The following CHCHD10 variants were observed in gnomAD, a reference collection of about 807,000 sequenced individuals.
CHCHD10 encodes the protein coiled-coil-helix-coiled-coil-helix domain-containing protein 10, mitochondrial.
Under a neutral mutation model 14.8 loss-of-function variants are expected in CHCHD10, and 10 were observed. That is an observed-to-expected ratio of 0.67 (90% CI 0.42 to 1.14). The LOEUF (loss-of-function observed/expected upper bound fraction) is 1.14, where lower values mean the gene tolerates loss of function less well. Ranked by LOEUF, CHCHD10 falls within the 50% of genes most tolerant of loss-of-function variation. The probability of loss-of-function intolerance (pLI) is 0.00; values close to 1 mark genes in which losing one functional copy is unlikely to be tolerated. For synonymous variants in CHCHD10, 90 were observed against 85.2 expected, an observed-to-expected ratio of 1.06 and a Z score of -0.31; for missense variants, 203 against 196.9, an observed-to-expected ratio of 1.03 and a Z score of -0.19.
In CHCHD10 at chr22:23,766,252, C is replaced by T. The variant is rs1260002337; in HGVS notation, c.285G>A (p.Gln95=). 38 of 1,134,786 alleles carry T rather than the reference C, an allele frequency of 3.3e-5. No homozygotes were observed. Among genetic ancestry groups the T allele is most frequent in the East Asian group, 1.6e-4 (5 of 30,668 alleles). The allele number at this position is 1,134,786 out of a possible 1,614,324, so 70.3% of individuals were successfully genotyped here. Residue 95 remains glutamine, a synonymous_variant, in exon 3 of 4, where the codon CAG becomes CAA. Coordinates refer to ENST00000484558, the MANE Select transcript of CHCHD10 (RefSeq NM_213720.3). ...AGGCGCAGGGCCCCATCTGCAGGGG[C>T]TGGGGGGCAGCGGGGGTGGGGGCCT... is the stretch of plus-strand genomic sequence containing the variant. The part of the protein sequence containing the change: ...VQQAPTPAAP[Q]PLQMGPCAYE...
chr22:23,767,941 C>A lies in CHCHD10; in HGVS notation c.-67G>T. ...AGCGGTGCTGTCGCGGGGACAAATG[C>A]CGCAGCGCTTGTCACAGCCGGCGCA... On this transcript the variant is annotated 5_prime_UTR_variant, in exon 1 of 4. Coordinates refer to ENST00000484558, the MANE Select transcript of CHCHD10 (RefSeq NM_213720.3). The A allele has an allele frequency of 7.6e-7, 1 of 1,315,238 alleles. No individual in the cohort carries two copies. Among genetic ancestry groups the A allele is most frequent in the Non-Finnish European group, 1.0e-6 (1 of 997,174 alleles). 81.5% of individuals were successfully genotyped at this position (1,315,238 alleles called of 1,614,324 possible).
At chr22:23,767,342 C>T in intron 2 of CHCHD10, 32 bp downstream of exon 2, 1 of 1,576,040 alleles carries the variant, frequency 6.3e-7, no homozygotes, top group Non-Finnish European at 8.7e-7. Flanking sequence ...CGAGATAATC[C>T]TGCCTCAGTT....
chr22:23,767,879 G>A lies in CHCHD10; in HGVS notation c.-5C>T. The A allele has an allele frequency of 1.3e-6, 2 of 1,510,398 alleles. No homozygotes were observed. Among genetic ancestry groups the A allele is most frequent in the Non-Finnish European group, 1.8e-6 (2 of 1,126,938 alleles). 93.6% of individuals were successfully genotyped at this position (1,510,398 alleles called of 1,614,324 possible). A position where few individuals can be genotyped will look rare whatever the true frequency, so the allele number is the denominator to read the frequency against. On this transcript the variant is annotated 5_prime_UTR_variant, in exon 1 of 4. Transcript: ENST00000484558. ...GCTGCGGCTTCCCCGAGGCATGGTG[G>A]CGGCGGTGGGACCCGGGCGACCTTA...
chr22:23,766,349 C>G, intron 2 of CHCHD10, 74 bp from the exon 3 acceptor site: 2 of 1,349,988 alleles, frequency 1.5e-6, no homozygotes, highest in South Asian at 1.4e-5. Context: ...AACCTGGGGC[C>G]ACCTGCCCCT....
Position 23,765,926 on chromosome 22 carries a change from T to A in CHCHD10, c.*81A>T. On this transcript the variant is annotated 3_prime_UTR_variant, in exon 4 of 4. Coordinates refer to ENST00000484558, the MANE Select transcript of CHCHD10 (RefSeq NM_213720.3). ...TCACTTCCAATCCCAGCTATCTGGG[T>A]ACAATCTGGTGTTGTGGTCTGGCTG... 6.2e-7 allele frequency: 1 copy of A among 1,604,254 alleles called. No homozygotes were observed. The highest frequency in any genetic ancestry group is 1.1e-5 in the South Asian group (1 of 90,598).
In CHCHD10 at chr22:23,767,521, AGGGGCGGGGGCT is replaced by A; in HGVS notation, c.102_113del (p.Ala35_Pro38del). Reference sequence around the variant, plus strand: ...GAGCCATGAGCCCCGGCTGGCCCGAAGGGGCGGGGGCTGGGGCGGCTGCCGAGGGCGGTGGGT... The same window carrying A: ...GAGCCATGAGCCCCGGCTGGCCCGAAGGGGCGGCTGCCGAGGGCGGTGGGT... On this transcript the variant is annotated inframe_deletion, in exon 2 of 4. Coordinates refer to ENST00000484558, the MANE Select transcript of CHCHD10 (RefSeq NM_213720.3). The A allele has an allele frequency of 7.5e-7, 1 of 1,337,578 alleles. No homozygotes were observed. The highest frequency in any genetic ancestry group is 1.6e-5 in the African/African-American group (1 of 63,390). 82.9% of individuals were successfully genotyped at this position (1,337,578 alleles called of 1,614,324 possible). A position where few individuals can be genotyped will look rare whatever the true frequency, so the allele number is the denominator to read the frequency against.
Position 23,767,365 on chromosome 22 carries a change from G to C in CHCHD10, c.261+9C>G. 1 of 1,606,216 alleles carries C rather than the reference G, an allele frequency of 6.2e-7. No individual in the cohort carries two copies. ...TCCTGCCTCAGTTTCTCTTGGACTC[G>C]CTGCTCACCTGCTGGACAGCAGGCT... On this transcript the variant is annotated intron_variant, in intron 2 of 3. Transcript: ENST00000484558.
rs779250790 is a variant in CHCHD10, at chr22:23,767,884, G to C, written c.-10C>G. 4.0e-6 allele frequency: 6 copies of C among 1,508,180 alleles called. No homozygotes were observed. The highest frequency in any genetic ancestry group is 5.4e-5 in the East Asian group (2 of 37,170). The allele number at this position is 1,508,180 out of a possible 1,614,324, so 93.4% of individuals were successfully genotyped here. The stretch of plus-strand genomic sequence containing the variant: ...GGCTTCCCCGAGGCATGGTGGCGGC[G>C]GTGGGACCCGGGCGACCTTAGAGAC... On this transcript the variant is annotated 5_prime_UTR_variant, in exon 1 of 4. Coordinates refer to ENST00000484558, the MANE Select transcript of CHCHD10 (RefSeq NM_213720.3).
At chr22:23,767,154 T>C (rs1251642050) in intron 2 of CHCHD10, among the ~76,000 whole-genome samples, 2 of 152,122 alleles carry the variant, frequency 1.3e-5, no homozygotes, top group Non-Finnish European at 2.9e-5. Flanking sequence ...TTGGTGTCTC[T>C]CCCTGGGAGC....
Position 23,767,891 on chromosome 22 carries a change from C to T in CHCHD10, c.-17G>A. The T allele has an allele frequency of 6.6e-7, 1 of 1,505,134 alleles. No homozygotes were observed. The highest frequency in any genetic ancestry group is 8.9e-7 in the Non-Finnish European group (1 of 1,125,114). 93.2% of individuals were successfully genotyped at this position (1,505,134 alleles called of 1,614,324 possible). A position where few individuals can be genotyped will look rare whatever the true frequency, so the allele number is the denominator to read the frequency against. On this transcript the variant is annotated 5_prime_UTR_variant, in exon 1 of 4. Transcript: ENST00000484558. The stretch of plus-strand genomic sequence containing the variant: ...CCGAGGCATGGTGGCGGCGGTGGGA[C>T]CCGGGCGACCTTAGAGACGGCGGCA...
chr22:23,765,995 G>A lies in CHCHD10; in HGVS notation c.*12C>T, dbSNP rs570761166. 156 of 1,613,314 alleles carry A rather than the reference G, an allele frequency of 9.7e-5. 1 individual carries two copies. The East Asian group carries it at 3.4e-3, about 36-fold the overall frequency. On this transcript the variant is annotated 3_prime_UTR_variant, in exon 4 of 4. Transcript: ENST00000484558. ...GGGTGCAGGACTGGCCCCCGAGTCT[G>A]CACCGACCTCTTCAGGGCAGGGAGC...
chr22:23,767,017 C>G (rs1048111447), intron 2 of CHCHD10, among the ~76,000 whole-genome samples: 1 of 152,228 alleles, frequency 6.6e-6, no homozygotes, highest in Non-Finnish European at 1.5e-5. Flanking sequence ...GCCACAGTGC[C>G]CAGACCTGGG....
chr22:23,767,779 G>A, intron 1 of CHCHD10, 55 bp downstream of exon 1: 2 of 1,431,554 alleles, frequency 1.4e-6, no homozygotes, highest in Non-Finnish European at 1.9e-6. Flanking sequence ...CGCCCTTAGG[G>A]GAGTGCCCAC....
In CHCHD10 at chr22:23,767,562, C is replaced by A. The variant is rs1274813503; in HGVS notation, c.73G>T (p.Ala25Ser). 2 of 651,388 alleles carry A rather than the reference C, an allele frequency of 3.1e-6. No individual in the cohort carries two copies. The highest frequency in any genetic ancestry group is 5.1e-5 in the Admixed American group (1 of 19,420). 40.4% of individuals were successfully genotyped at this position (651,388 alleles called of 1,614,324 possible). A position where few individuals can be genotyped will look rare whatever the true frequency, so the allele number is the denominator to read the frequency against. ...GCGGCTGCCGAGGGCGGTGGGTGCG[C>A]GGGCGGGTGGGCAGAGGGCGCGGCT... Reference protein sequence around the residue: ...RPAAPSAHPPAHPPPSAAAPA... With the variant: ...RPAAPSAHPPSHPPPSAAAPA... The change falls in exon 2 of 4, where the codon GCG (alanine) becomes TCG (serine). Residue 25 changes from alanine to serine, a missense_variant. Transcript: ENST00000484558.
intron 2 of CHCHD10, 131 bp from the exon 3 acceptor site, chr22:23,766,406 G>C (rs1926825150): frequency 1.4e-6 from 1 of 712,434 alleles, no homozygotes; most frequent in African/African-American, 1.8e-5. Context: ...GGCAGGCTGA[G>C]TGATCCAGCA....
At chr22:23,766,963 A>T (rs1569150487) in intron 2 of CHCHD10, among the ~76,000 whole-genome samples, 1 of 152,196 alleles carries the variant, frequency 6.6e-6, no homozygotes. Flanking sequence ...TAGCAGGGGA[A>T]AGGTCATCAG....
intron 3 of CHCHD10, 46 bp from the exon 4 acceptor site, chr22:23,766,072 C>T (rs1287402320): frequency 1.2e-6 from 2 of 1,612,884 alleles, no homozygotes; most frequent in Admixed American, 3.3e-5. Context: ...CCTGCAGGTG[C>T]AAGAGGAGGG....
chr22:23,766,269 T>TGGGGGGGGGGGGGCGGGGGGGGG lies in CHCHD10; in HGVS notation c.267_268insCCCCCCCCCGCCCCCCCCCCCCC (p.Thr90ProfsTer48). 1 of 747,118 alleles carries TGGGGGGGGGGGGGCGGGGGGGGG rather than the reference T, an allele frequency of 1.3e-6. No individual in the cohort carries two copies. Among genetic ancestry groups the TGGGGGGGGGGGGGCGGGGGGGGG allele is most frequent in the Non-Finnish European group, 1.9e-6 (1 of 520,704 alleles). 46.3% of individuals were successfully genotyped at this position (747,118 alleles called of 1,614,324 possible). A position where few individuals can be genotyped will look rare whatever the true frequency, so the allele number is the denominator to read the frequency against. ...TGCAGGGGCTGGGGGGCAGCGGGGGTGGGGGCCTGGGGGTACAGTGCAAGA... is the reference window on the plus strand; with the variant it reads ...TGCAGGGGCTGGGGGGCAGCGGGGGTGGGGGGGGGGGGGCGGGGGGGGGGGGGGCCTGGGGGTACAGTGCAAGA... On this transcript the variant is annotated frameshift_variant, in exon 3 of 4. Transcript: ENST00000484558. LOFTEE classifies it high-confidence loss of function.
rs528249902 is a variant in CHCHD10 at position 23,766,964 on chromosome 22, A to C, written c.261+410T>G. On this transcript the variant is annotated intron_variant, in intron 2 of 3. Transcript: ENST00000484558. ...GGCGGTGGGGTTCCTAGCAGGGGAAAGGTCATCAGGGAAGTGGCTCCCCTT... is the reference window on the plus strand; with the variant it reads ...GGCGGTGGGGTTCCTAGCAGGGGAACGGTCATCAGGGAAGTGGCTCCCCTT... Among the ~76,000 whole-genome samples the C allele has an allele frequency of 7.9e-5, 12 of 152,334 alleles. No individual in the cohort carries two copies. The South Asian group carries it at 2.1e-3, about 26-fold the overall frequency.
Sources: gnomAD v4.1 joint callset for allele counts (sites outside exome capture counted in the v4.1 genomes callset) on GRCh38, gnomAD v4.1.1 for gene constraint, MANE v1.5 for transcripts, NCBI Gene and HGNC (gene_info 2026-07-23, HGNC 2026-07-21) for gene names.